Variants in PLEKHA5 observed in about 807,000 individuals in gnomAD.
PLEKHA5 encodes pleckstrin homology domain-containing family A member 5.
PLEKHA5 carries 55 observed loss-of-function variants against 181.9 expected under a neutral mutation model. The observed-to-expected ratio is 0.30, with a 90% CI of 0.24 to 0.38. The LOEUF (loss-of-function observed/expected upper bound fraction) is 0.38. Among genes scored for constraint, PLEKHA5 ranks in the 10% least tolerant of loss-of-function variants. The pLI is 1.00. For synonymous variants in PLEKHA5, 535 were observed against 529.4 expected, an observed-to-expected ratio of 1.01 and a Z score of -0.15; for missense variants, 1,432 against 1,549.5, an observed-to-expected ratio of 0.92 and a Z score of 1.27.
intron 3 of PLEKHA5, among the ~76,000 whole-genome samples, chr12:19,190,660 T>G (rs184138458): frequency 3.3e-5 from 5 of 152,330 alleles, no homozygotes; most frequent in Admixed American, 1.3e-4. Flanking sequence ...AGCCAGAAAT[T>G]TCAGTTATCT....
chr12:19,235,281 A>G (rs1021321981), intron 3 of PLEKHA5, among the ~76,000 whole-genome samples: 3 of 152,178 alleles, frequency 2.0e-5, no homozygotes, highest in African/African-American at 7.2e-5. Flanking sequence ...TTTTAGCACC[A>G]GTTATGTTGC....
At chr12:19,228,896 C>A (rs1343256543) in intron 3 of PLEKHA5, among the ~76,000 whole-genome samples, 1 of 152,000 alleles carries the variant, frequency 6.6e-6, no homozygotes, top group Admixed American at 6.6e-5. Flanking sequence ...AATCTCAAAC[C>A]ATTTATGTGA....
At position 19,270,182 on chromosome 12, in the gene PLEKHA5, T is replaced by C; in HGVS notation, c.828-6T>C. On this transcript the variant is annotated splice_region_variant and splice_polypyrimidine_tract_variant and intron_variant, in intron 9 of 31. Coordinates refer to ENST00000429027, the MANE Select transcript of PLEKHA5 (RefSeq NM_001256470.2). ...CATTCAAACTGAATGTTCTTTCTTCTTACAGAATTACCTTTAATTTCCGGT... is the reference window on the plus strand; with the variant it reads ...CATTCAAACTGAATGTTCTTTCTTCCTACAGAATTACCTTTAATTTCCGGT... 6.9e-7 allele frequency: 1 copy of C among 1,449,212 alleles called. No individual in the cohort carries two copies. The highest frequency in any genetic ancestry group is 9.2e-7 in the Non-Finnish European group (1 of 1,092,040). 89.8% of individuals were successfully genotyped at this position (1,449,212 alleles called of 1,614,324 possible). A position where few individuals can be genotyped will look rare whatever the true frequency, so the allele number is the denominator to read the frequency against.
At chr12:19,151,166 T>A (rs1388495647) in intron 3 of PLEKHA5, 1 of 152,274 alleles carries the variant, frequency 6.6e-6, no homozygotes, top group East Asian at 1.9e-4. Context: ...GAGAATGCAG[T>A]AGGACAGCTG....
At chr12:19,354,076 C>A in intron 26 of PLEKHA5, 74 bp downstream of exon 26, 1 of 498,630 alleles carries the variant, frequency 2.0e-6, no homozygotes. Flanking sequence ...TTTTCATTTT[C>A]AGTGTCTTAT....
In PLEKHA5 at chr12:19,271,235, G is replaced by C. The variant is rs561246363; in HGVS notation, c.845+1030G>C. On this transcript the variant is annotated intron_variant, in intron 10 of 31. Coordinates refer to ENST00000429027, the MANE Select transcript of PLEKHA5 (RefSeq NM_001256470.2). The stretch of plus-strand genomic sequence containing the variant: ...AATTCATTTAAAATCTTCAGGCTGA[G>C]CATGGTGGCTCACACCTGTAATTCT... Among the ~76,000 whole-genome samples, 11 of 152,322 alleles carry C rather than the reference G, an allele frequency of 7.2e-5. No individual in the cohort carries two copies. In the East Asian group the frequency reaches 1.9e-3, roughly 27 times the overall value.
At chr12:19,273,419 A>G (rs1425334694) in intron 10 of PLEKHA5, among the ~76,000 whole-genome samples, 3 of 151,478 alleles carry the variant, frequency 2.0e-5, no homozygotes, top group African/African-American at 4.9e-5. Flanking sequence ...ATCTTCATCT[A>G]TAGTTGATTA....
Position 19,274,959 on chromosome 12 carries a change from G to C in PLEKHA5, c.1289G>C (p.Arg430Thr), listed in dbSNP as rs2074079757. The change falls in exon 11 of 32, where the codon AGG becomes ACG. Residue 430 changes from arginine (R) to threonine (T), a missense_variant. Coordinates refer to ENST00000429027, the MANE Select transcript of PLEKHA5 (RefSeq NM_001256470.2). ...LEQWIKIQKG[R>T]GHEEETRGVI... ...CAGTGGATTAAAATCCAGAAGGGGA[G>C]GGGTCATGAAGAAGAAACCAGGGGG... The C allele has an allele frequency of 1.9e-6, 3 of 1,609,904 alleles. No individual in the cohort carries two copies. The highest frequency in any genetic ancestry group is 2.5e-6 in the Non-Finnish European group (3 of 1,179,532).
intron 3 of PLEKHA5, among the ~76,000 whole-genome samples, chr12:19,206,290 G>C (rs975624532): frequency 6.6e-6 from 1 of 151,886 alleles, no homozygotes; most frequent in African/African-American, 2.4e-5. Context: ...ATAATATTAT[G>C]TAATATTTAA....
rs1011556006 is a variant in PLEKHA5, at chr12:19,250,536, T to C, written c.228-3404T>C. Reference sequence around the variant, plus strand: ...AGGCGGAACTTGCAGTGAGCTGAGATTGTGCCATTGCACTCCAGCCTGGGC... The same window carrying C: ...AGGCGGAACTTGCAGTGAGCTGAGACTGTGCCATTGCACTCCAGCCTGGGC... On this transcript the variant is annotated intron_variant, in intron 3 of 31. Coordinates refer to ENST00000429027, the MANE Select transcript of PLEKHA5 (RefSeq NM_001256470.2). Among the ~76,000 whole-genome samples the C allele has an allele frequency of 2.0e-5, 3 of 152,098 alleles. No individual in the cohort carries two copies. The East Asian group carries it at 5.8e-4, about 29-fold the overall frequency.
chr12:19,276,950 G>T (rs1041381304), intron 11 of PLEKHA5, among the ~76,000 whole-genome samples: 2 of 152,114 alleles, frequency 1.3e-5, no homozygotes, highest in Non-Finnish European at 2.9e-5. Context: ...TCAGGGAATT[G>T]CACATTAAAG....
chr12:19,300,714 C>T (rs1188231166), intron 15 of PLEKHA5, among the ~76,000 whole-genome samples: 1 of 152,142 alleles, frequency 6.6e-6, no homozygotes. Context: ...GTTGTTGAAA[C>T]ATAAGCTGAT....
chr12:19,370,900 G>A (rs556151641), intron 31 of PLEKHA5: 2 of 151,886 alleles, frequency 1.3e-5, no homozygotes, highest in South Asian at 2.1e-4. Context: ...AGTTGTCCAC[G>A]CTGGTCTCAA....
intron 3 of PLEKHA5, chr12:19,201,932 T>G (rs930072724): frequency 8.5e-6 from 3 of 354,964 alleles, no homozygotes; most frequent in African/African-American, 6.6e-5. Flanking sequence ...AACTGTACAC[T>G]TAACCATAGG....
At chr12:19,180,749 A>C (rs750844885) in intron 3 of PLEKHA5, among the ~76,000 whole-genome samples, 5 of 151,880 alleles carry the variant, frequency 3.3e-5, no homozygotes, top group Non-Finnish European at 7.4e-5. Context: ...TTGTTATAGA[A>C]GTAATATAAA....
chr12:19,233,897 C>T lies in PLEKHA5; in HGVS notation c.228-20043C>T, dbSNP rs183155568. Among the ~76,000 whole-genome samples the T allele has an allele frequency of 1.6e-4, 25 of 152,246 alleles. No individual in the cohort carries two copies. The East Asian group carries it at 3.1e-3, about 19-fold the overall frequency. On this transcript the variant is annotated intron_variant, in intron 3 of 31. Transcript: ENST00000429027. The stretch of plus-strand genomic sequence containing the variant: ...TTTAGGATTCCCCTTGATTTAAAGA[C>T]GTTTATTAGCTCTCACGAAGTAGTG...
At chr12:19,131,624 T>G (rs1306394925) in intron 2 of PLEKHA5, among the ~76,000 whole-genome samples, 1 of 152,198 alleles carries the variant, frequency 6.6e-6, no homozygotes, top group Non-Finnish European at 1.5e-5. Context: ...CCCCACAGAT[T>G]TGGTAACATT....
At chr12:19,363,636 C>T (rs1397022726) in intron 29 of PLEKHA5, among the ~76,000 whole-genome samples, 1 of 151,766 alleles carries the variant, frequency 6.6e-6, no homozygotes, top group African/African-American at 2.4e-5. Flanking sequence ...GGATTACAAG[C>T]GTGTGCCACC....
intron 21 of PLEKHA5, among the ~76,000 whole-genome samples, chr12:19,337,875 T>C (rs758127922): frequency 1.3e-5 from 2 of 151,278 alleles, no homozygotes; most frequent in Non-Finnish European, 2.9e-5. Flanking sequence ...CTACTAAAAA[T>C]ACAAAATTAG....
Sources: allele counts gnomAD v4.1 joint callset (sites outside exome capture counted in the v4.1 genomes callset), GRCh38; gene constraint gnomAD v4.1.1; transcripts MANE v1.5; gene names NCBI Gene and HGNC (gene_info 2026-07-23, HGNC 2026-07-21).